Variants in C2CD2 observed in about 807,000 individuals in gnomAD.
C2CD2 encodes C2 calcium dependent domain containing 2.
C2CD2 carries 43 observed loss-of-function variants against 74.3 expected under a neutral mutation model. The observed-to-expected ratio is 0.58, with a 90% CI of 0.45 to 0.75. C2CD2 has a LOEUF of 0.75. Among genes scored for constraint, C2CD2 ranks in the 30% least tolerant of loss-of-function variants. The pLI is 0.00. For missense variants in C2CD2, 801 were observed against 916.3 expected (o/e 0.87, Z 1.63); for synonymous variants, 422 against 390.7 (o/e 1.08, Z -0.94).
At chr21:41,932,887 A>C (rs1017919573) in intron 2 of C2CD2, among the ~76,000 whole-genome samples, 2 of 150,304 alleles carry the variant, frequency 1.3e-5, no homozygotes, top group East Asian at 3.9e-4. Context: ...AGAAAGTCCA[A>C]GAAAAAGGCA....
intron 1 of C2CD2, among the ~76,000 whole-genome samples, chr21:41,946,389 T>C (rs1034151946): frequency 2.6e-5 from 4 of 152,176 alleles, no homozygotes; most frequent in Non-Finnish European, 2.9e-5. Flanking sequence ...GGAGTTCTCA[T>C]GAATGGCCTA....
intron 1 of C2CD2, chr21:41,953,034 G>A (rs955518912): frequency 9.9e-6 from 3 of 303,280 alleles, no homozygotes; most frequent in Admixed American, 5.1e-5. Flanking sequence ...GTCCGATCGG[G>A]CACGGGAATT....
intron 3 of C2CD2, among the ~76,000 whole-genome samples, chr21:41,920,172 CG>C (rs11340659): frequency 0.025 from 3,755 of 152,304 alleles, 154 homozygotes; most frequent in African/African-American, 0.085. Flanking sequence ...CTGTGACTGC[CG>C]CTAAGGCAGG....
chr21:41,953,101 G>GGTCCCTCCAACTGCCAGCCT (rs1489670601), intron 1 of C2CD2: 1 of 374,134 alleles, frequency 2.7e-6, no homozygotes, highest in Non-Finnish European at 4.8e-6. Flanking sequence ...CACTTCTGAC[G>GGTCCCTCCAACTGCCAGCCT]GTCCCTCCAA....
In C2CD2 at chr21:41,924,511, C is replaced by T. The variant is rs1340686180; in HGVS notation, c.379-2426G>A. On this transcript the variant is annotated intron_variant, in intron 2 of 13. Coordinates refer to ENST00000380486, the MANE Select transcript of C2CD2 (RefSeq NM_015500.2). The surrounding 1 kb of genome is among the most constrained non-coding windows in gnomAD (Gnocchi z 4.4). ...CATCATCTCCAGAGTTCACAAAGGG[C>T]CAGAACAAAAAAATGTTTGTATAAG... 1.3e-5 allele frequency among the ~76,000 whole-genome samples: 2 copies of T among 152,020 alleles called. No individual in the cohort carries two copies. The highest frequency in any genetic ancestry group is 3.9e-4 in the East Asian group (2 of 5,184).
intron 1 of C2CD2, among the ~76,000 whole-genome samples, chr21:41,949,245 G>C (rs1013522583): frequency 2.6e-5 from 4 of 152,308 alleles, no homozygotes; most frequent in African/African-American, 9.6e-5. Flanking sequence ...GGGGATGTTG[G>C]GGGTGTAACT....
chr21:41,909,980 T>G (rs2065007570), intron 7 of C2CD2, among the ~76,000 whole-genome samples: 1 of 145,700 alleles, frequency 6.9e-6, no homozygotes, highest in African/African-American at 2.6e-5. Flanking sequence ...AACCTATTTA[T>G]TTTCATTACA....
chr21:41,921,922 T>A (rs538735702), intron 3 of C2CD2, 50 bp downstream of exon 3: 4 of 1,143,252 alleles, frequency 3.5e-6, no homozygotes, highest in Non-Finnish European at 5.3e-6. Context: ...TCTTCACATT[T>A]CTGAGAACTG....
At position 41,923,311 on chromosome 21, in the gene C2CD2, A is replaced by G. The variant is rs950185312; in HGVS notation, c.379-1226T>C. Reference sequence around the variant, plus strand: ...CCCGGCCAACAAAGTCTTTTTCTTTAAATATCATCTTGTTCTATTTCTCCA... The same window carrying G: ...CCCGGCCAACAAAGTCTTTTTCTTTGAATATCATCTTGTTCTATTTCTCCA... On this transcript the variant is annotated intron_variant, in intron 2 of 13. Transcript: ENST00000380486. The surrounding 1 kb of genome is among the most constrained non-coding windows in gnomAD (Gnocchi z 5.8). 6.6e-6 allele frequency among the ~76,000 whole-genome samples: 1 copy of G among 152,222 alleles called. No individual in the cohort carries two copies. Among genetic ancestry groups the G allele is most frequent in the Admixed American group, 6.5e-5 (1 of 15,284 alleles).
At chr21:41,893,751 G>A (rs2064787056) in intron 13 of C2CD2, among the ~76,000 whole-genome samples, 1 of 145,232 alleles carries the variant, frequency 6.9e-6, no homozygotes, top group Non-Finnish European at 1.5e-5. Context: ...GCCCAGGCTG[G>A]AGTGCAGTGG....
intron 5 of C2CD2, among the ~76,000 whole-genome samples, chr21:41,917,263 C>T (rs1305619883): frequency 1.3e-5 from 2 of 152,212 alleles, no homozygotes; most frequent in Non-Finnish European, 1.5e-5. Flanking sequence ...CAGCTGGTGA[C>T]ATCTGCAGAC....
chr21:41,907,093 T>C lies in C2CD2; in HGVS notation c.1217A>G (p.Lys406Arg), dbSNP rs1416734008. Reference sequence around the variant, plus strand: ...CCCACAGGGCATCACCGTGCGGTCCTTTTCTATTTTTGCAGCAGGAACAGG... The same window carrying C: ...CCCACAGGGCATCACCGTGCGGTCCCTTTCTATTTTTGCAGCAGGAACAGG... The part of the protein sequence containing the change: ...PPPVPAAKIE[K>R]DRTVMPCGTV... The change falls in exon 10 of 14, where the codon AAG (lysine) becomes AGG (arginine). Residue 406 changes from lysine to arginine, a missense_variant. Lys to Arg is a conservative substitution (Grantham distance 26, BLOSUM62 2). Coordinates refer to ENST00000380486, the MANE Select transcript of C2CD2 (RefSeq NM_015500.2). The C allele has an allele frequency of 6.2e-7, 1 of 1,613,798 alleles. No homozygotes were observed. Among genetic ancestry groups the C allele is most frequent in the South Asian group, 1.1e-5 (1 of 91,072 alleles).
At position 41,942,244 on chromosome 21, in the gene C2CD2, C is replaced by T; in HGVS notation, c.281G>A (p.Gly94Asp). 6.5e-7 allele frequency: 1 copy of T among 1,549,644 alleles called. No homozygotes were observed. The highest frequency in any genetic ancestry group is 1.2e-5 in the South Asian group (1 of 83,992). The change falls in exon 2 of 14, where the codon GGC becomes GAC. Residue 94 changes from glycine to aspartate, a missense_variant and splice_region_variant. Coordinates refer to ENST00000380486, the MANE Select transcript of C2CD2 (RefSeq NM_015500.2). ...CTCCTCAAAGGACAGGAAAGGTGGG[C>T]CCTGGAACAGAGGGGCAGCATGAGG... is the stretch of plus-strand genomic sequence containing the variant. ...ALNEEAERKGGPPFLSFEEDP... is the reference protein window; with the variant it reads ...ALNEEAERKGDPPFLSFEEDP...
intron 6 of C2CD2, among the ~76,000 whole-genome samples, chr21:41,913,023 C>T (rs1174925295): frequency 1.3e-5 from 2 of 152,228 alleles, no homozygotes; most frequent in African/African-American, 4.8e-5. Flanking sequence ...CAGTGCTGGC[C>T]ACAAGCGTGG....
intron 11 of C2CD2, among the ~76,000 whole-genome samples, chr21:41,904,916 A>G (rs943736893): frequency 2.7e-5 from 3 of 110,542 alleles, no homozygotes; most frequent in Non-Finnish European, 5.5e-5. Flanking sequence ...TTAATGAGTC[A>G]GTAAGACATC....
At position 41,933,329 on chromosome 21, in the gene C2CD2, G is replaced by A. The variant is rs1005825557; in HGVS notation, c.378+8818C>T. Among the ~76,000 whole-genome samples, 15 of 151,850 alleles carry A rather than the reference G, an allele frequency of 9.9e-5. 2 individuals are homozygous for A. The highest frequency in any genetic ancestry group is 1.9e-4 in the East Asian group (1 of 5,186). On this transcript the variant is annotated intron_variant, in intron 2 of 13. Coordinates refer to ENST00000380486, the MANE Select transcript of C2CD2 (RefSeq NM_015500.2). The stretch of plus-strand genomic sequence containing the variant: ...ACGAGGCGGTGCAGACACGGAATTA[G>A]GTGTAAATTTGGAGACCATGGGGGT...
At position 41,887,609 on chromosome 21, in the gene C2CD2, A is replaced by G. The variant is rs1196249674; in HGVS notation, c.*1515T>C. On this transcript the variant is annotated 3_prime_UTR_variant, in exon 14 of 14. Transcript: ENST00000380486. ...TTTTACTAAAAAAGAAAAAAATCCTATAATTTTGGTTTTGATACCGGTTTT... is the reference window on the plus strand; with the variant it reads ...TTTTACTAAAAAAGAAAAAAATCCTGTAATTTTGGTTTTGATACCGGTTTT... 1 of 152,038 alleles carries G rather than the reference A, an allele frequency of 6.6e-6. No individual in the cohort carries two copies. The highest frequency in any genetic ancestry group is 1.5e-5 in the Non-Finnish European group (1 of 68,018). The allele number at this position is 152,038 out of a possible 1,614,324, so 9.4% of individuals were successfully genotyped here.
chr21:41,929,759 C>T lies in C2CD2; in HGVS notation c.379-7674G>A, dbSNP rs912010718. ...ACCAAGTGTCCAGCTCAGCTCCTGC[C>T]CTCATCAGCAAGTTTTCCAAATGAA... On this transcript the variant is annotated intron_variant, in intron 2 of 13. Coordinates refer to ENST00000380486, the MANE Select transcript of C2CD2 (RefSeq NM_015500.2). The surrounding 1 kb of genome is among the most constrained non-coding windows in gnomAD (Gnocchi z 4.6). 6.6e-6 allele frequency among the ~76,000 whole-genome samples: 1 copy of T among 152,212 alleles called. No homozygotes were observed. The highest frequency in any genetic ancestry group is 1.5e-5 in the Non-Finnish European group (1 of 68,038).
In C2CD2 at chr21:41,909,434, G is replaced by A. The variant is rs372240974; in HGVS notation, c.1018+25C>T. 2.0e-5 allele frequency: 31 copies of A among 1,568,394 alleles called. No individual in the cohort carries two copies. In the African/African-American group the frequency reaches 3.8e-4, roughly 19 times the overall value. On this transcript the variant is annotated intron_variant, in intron 8 of 13. Transcript: ENST00000380486. ...GCGGAGGACCTTTCCAGAGGGCGAG[G>A]CCTCTGTCCTCCTGCTCAACCCACC...
Sources: allele counts gnomAD v4.1 joint callset (sites outside exome capture counted in the v4.1 genomes callset), GRCh38; gene constraint gnomAD v4.1.1; non-coding constraint Gnocchi (gnomAD v3.1); transcripts MANE v1.5; gene names NCBI Gene and HGNC (gene_info 2026-07-23, HGNC 2026-07-21).